MAP2K5: variants seen among roughly 807,000 people sequenced by gnomAD.
MAP2K5 encodes the protein dual specificity mitogen-activated protein kinase kinase 5.
A neutral mutation model predicts 83.1 loss-of-function variants in MAP2K5; 49 were observed. The observed-to-expected ratio is 0.59, with a 90% CI of 0.47 to 0.75. The LOEUF (loss-of-function observed/expected upper bound fraction) is 0.75, where lower values mean the gene tolerates loss of function less well. Ranked by LOEUF, MAP2K5 falls within the 30% of genes least tolerant of loss-of-function variation. The probability of loss-of-function intolerance (pLI) is 0.00; values close to 1 mark genes in which losing one functional copy is unlikely to be tolerated. For synonymous variants in MAP2K5, 202 were observed against 191.8 expected (o/e 1.05, Z -0.44); for missense variants, 457 against 557.5 (o/e 0.82, Z 1.82).
At chr15:67,766,453 T>A in intron 19 of MAP2K5, among the ~76,000 whole-genome samples, 1 of 152,256 alleles carries the variant, frequency 6.6e-6, no homozygotes, top group East Asian at 1.9e-4. Context: ...ACATTTATAT[T>A]TTTGAAATAT....
rs573273093 is a variant in MAP2K5 at position 67,807,025 on chromosome 15, C to G, written c.*275C>G. 203 of 1,331,608 alleles carry G rather than the reference C, an allele frequency of 1.5e-4. No individual in the cohort carries two copies. The highest frequency in any genetic ancestry group is 1.9e-4 in the Non-Finnish European group (192 of 1,007,086). 82.5% of individuals were successfully genotyped at this position (1,331,608 alleles called of 1,614,324 possible). A position where few individuals can be genotyped will look rare whatever the true frequency, so the allele number is the denominator to read the frequency against. The stretch of plus-strand genomic sequence containing the variant: ...AGAATGGAGGCTCCCAGGGTCCCTG[C>G]CCACTTCTGTTTTCCTAATGTTTTT... On this transcript the variant is annotated 3_prime_UTR_variant, in exon 22 of 22. Coordinates refer to ENST00000178640, the MANE Select transcript of MAP2K5 (RefSeq NM_145160.3). This position sits in a 1 kb window ranked among gnomAD's most constrained non-coding sequence, Gnocchi z 5.1.
intron 8 of MAP2K5, among the ~76,000 whole-genome samples, chr15:67,626,774 C>T (rs1285634525): frequency 1.3e-5 from 2 of 151,866 alleles, no homozygotes; most frequent in Non-Finnish European, 2.9e-5. Flanking sequence ...GTGGTATACT[C>T]CTGTAGTACC....
At chr15:67,795,473 CT>C (rs1384068041) in intron 21 of MAP2K5, among the ~76,000 whole-genome samples, 1 of 152,100 alleles carries the variant, frequency 6.6e-6, no homozygotes, top group Non-Finnish European at 1.5e-5. Context: ...TCAATTAGGA[CT>C]TTTTTACACC....
rs933234623 is a variant in MAP2K5 at position 67,690,961 on chromosome 15, G to C, written c.848-1518G>C. Among the ~76,000 whole-genome samples, 1 of 152,060 alleles carries C rather than the reference G, an allele frequency of 6.6e-6. No individual in the cohort carries two copies. The highest frequency in any genetic ancestry group is 1.5e-5 in the Non-Finnish European group (1 of 68,012). On this transcript the variant is annotated intron_variant, in intron 13 of 21. Transcript: ENST00000178640. This position sits in a 1 kb window ranked among gnomAD's most constrained non-coding sequence, Gnocchi z 4.3. Reference sequence around the variant, plus strand: ...ACCCTGTGAACTTATTTATTTCTTGGGGCGATGATACCGATAAAAAGAGCT... The same window carrying C: ...ACCCTGTGAACTTATTTATTTCTTGCGGCGATGATACCGATAAAAAGAGCT...
intron 13 of MAP2K5, among the ~76,000 whole-genome samples, chr15:67,673,027 G>A (rs1310305377): frequency 1.3e-5 from 2 of 152,112 alleles, no homozygotes; most frequent in Non-Finnish European, 2.9e-5. Context: ...CTATATCTCT[G>A]TTTTGGTACC....
chr15:67,699,296 A>G (rs2088350299), intron 15 of MAP2K5, among the ~76,000 whole-genome samples: 1 of 152,116 alleles, frequency 6.6e-6, no homozygotes. Flanking sequence ...GTCAGGCAAG[A>G]GGGGCAGCAG....
intron 15 of MAP2K5, among the ~76,000 whole-genome samples, chr15:67,699,231 A>G (rs980009901): frequency 6.6e-6 from 1 of 152,010 alleles, no homozygotes; most frequent in Non-Finnish European, 1.5e-5. Flanking sequence ...CAGAGAGGAA[A>G]GTAGAATGGG....
intron 17 of MAP2K5, among the ~76,000 whole-genome samples, chr15:67,741,394 C>T (rs1449192042): frequency 6.6e-6 from 1 of 152,196 alleles, no homozygotes; most frequent in Admixed American, 6.5e-5. Context: ...TCGGTTCTCT[C>T]CTTAGTAGGC....
chr15:67,672,005 T>C (rs1316586138), intron 13 of MAP2K5, among the ~76,000 whole-genome samples: 1 of 152,072 alleles, frequency 6.6e-6, no homozygotes, highest in African/African-American at 2.4e-5. Flanking sequence ...TCATTTTGTA[T>C]GGCTGCATAG....
At chr15:67,635,768 G>C (rs1203180470) in intron 9 of MAP2K5, among the ~76,000 whole-genome samples, 1 of 151,958 alleles carries the variant, frequency 6.6e-6, no homozygotes, top group Non-Finnish European at 1.5e-5. Context: ...TTTTCTTTCA[G>C]TTTTTTAAAG....
chr15:67,619,061 C>G (rs2086120226), intron 8 of MAP2K5, among the ~76,000 whole-genome samples: 1 of 152,144 alleles, frequency 6.6e-6, no homozygotes, highest in African/African-American at 2.4e-5. Context: ...CCAGCTAGCC[C>G]TCTTGCTTAT....
chr15:67,548,812 G>A (rs2084447169), intron 1 of MAP2K5, among the ~76,000 whole-genome samples: 1 of 151,756 alleles, frequency 6.6e-6, no homozygotes, highest in Admixed American at 6.6e-5. Context: ...TTTCATTTGT[G>A]AGGACTAGAC....
At chr15:67,580,672 T>C in intron 3 of MAP2K5, 82 bp from the exon 4 acceptor site, 1 of 860,608 alleles carries the variant, frequency 1.2e-6, no homozygotes. Flanking sequence ...TTTACAAAAG[T>C]ACTGTGAATT....
At chr15:67,631,345 A>G (rs915305580) in intron 9 of MAP2K5, among the ~76,000 whole-genome samples, 1 of 152,000 alleles carries the variant, frequency 6.6e-6, no homozygotes, top group South Asian at 2.1e-4. Context: ...TCCCATCCCC[A>G]TTGCCATGGT....
chr15:67,613,518 G>A (rs779600905), intron 8 of MAP2K5, among the ~76,000 whole-genome samples: 2 of 152,140 alleles, frequency 1.3e-5, no homozygotes, highest in Non-Finnish European at 2.9e-5. Context: ...TGTAATGCAG[G>A]ATGAAACTAG....
chr15:67,661,152 T>A (rs2087228137), intron 12 of MAP2K5, among the ~76,000 whole-genome samples: 1 of 151,408 alleles, frequency 6.6e-6, no homozygotes. Flanking sequence ...GCAAGAGAGT[T>A]TTTTTTTTCC....
rs1221959160 is a variant in MAP2K5 at position 67,677,736 on chromosome 15, T to G, written c.847+13091T>G. Among the ~76,000 whole-genome samples, 1 of 152,180 alleles carries G rather than the reference T, an allele frequency of 6.6e-6. No homozygotes were observed. The highest frequency in any genetic ancestry group is 1.5e-5 in the Non-Finnish European group (1 of 68,040). ...ACACATCACAGGTAGGAATCTAAGA[T>G]TCACCACTTTAGAAGGAAATCTCTT... On this transcript the variant is annotated intron_variant, in intron 13 of 21. Coordinates refer to ENST00000178640, the MANE Select transcript of MAP2K5 (RefSeq NM_145160.3). The surrounding 1 kb of genome is among the most constrained non-coding windows in gnomAD (Gnocchi z 4.2).
intron 16 of MAP2K5, among the ~76,000 whole-genome samples, chr15:67,707,515 CT>C (rs2088586035): frequency 6.6e-6 from 1 of 152,152 alleles, no homozygotes; most frequent in Non-Finnish European, 1.5e-5. Context: ...AGAAACTTTC[CT>C]TTCTTCAATA....
In MAP2K5 at chr15:67,747,314, A is replaced by G. The variant is rs1042156056; in HGVS notation, c.1075-917A>G. Among the ~76,000 whole-genome samples, 3 of 152,208 alleles carry G rather than the reference A, an allele frequency of 2.0e-5. No homozygotes were observed. Among genetic ancestry groups the G allele is most frequent in the Admixed American group, 6.5e-5 (1 of 15,284 alleles). On this transcript the variant is annotated intron_variant, in intron 17 of 21. Coordinates refer to ENST00000178640, the MANE Select transcript of MAP2K5 (RefSeq NM_145160.3). The surrounding 1 kb of genome is among the most constrained non-coding windows in gnomAD (Gnocchi z 4.1). ...TTTACCGGCTGGTTGGAGCCCAGTT[A>G]TCTCAGAAAACAGTTGACCCATCAG...
Sources: gnomAD v4.1 joint callset for allele counts (sites outside exome capture counted in the v4.1 genomes callset) on GRCh38, gnomAD v4.1.1 for gene constraint, Gnocchi (gnomAD v3.1) non-coding constraint, MANE v1.5 for transcripts, NCBI Gene and HGNC (gene_info 2026-07-23, HGNC 2026-07-21) for gene names.